Variants in LIN52 observed in about 807,000 individuals in gnomAD.
LIN52 encodes protein lin-52 homolog.
In LIN52, 4 loss-of-function variants were observed where a neutral mutation model predicts 18.5. The ratio of observed to expected loss-of-function variants is 0.22; its 90% CI spans 0.11 to 0.49. The LOEUF is 0.49. Ranked by LOEUF, LIN52 falls within the 20% of genes least tolerant of loss-of-function variation. LIN52 has a pLI of 0.97. For missense variants in LIN52, 102 were observed against 139.5 expected (o/e 0.73, Z 1.35); for synonymous variants, 34 against 45.5 (o/e 0.75, Z 1.02).
At chr14:74,173,081 G>A (rs1252869142) in intron 5 of LIN52, among the ~76,000 whole-genome samples, 2 of 152,014 alleles carry the variant, frequency 1.3e-5, no homozygotes, top group East Asian at 3.8e-4. Context: ...AATGCTTTTT[G>A]TATAAAAAGC....
chr14:74,114,950 GAA>G (rs1407882229), intron 5 of LIN52, among the ~76,000 whole-genome samples: 1 of 152,156 alleles, frequency 6.6e-6, no homozygotes, highest in Non-Finnish European at 1.5e-5. Context: ...CCCTACCTAT[GAA>G]CTTTTCCTGA....
intron 5 of LIN52, among the ~76,000 whole-genome samples, chr14:74,152,253 C>T (rs2061179565): frequency 7.0e-6 from 1 of 141,996 alleles, no homozygotes; most frequent in African/African-American, 2.7e-5. Context: ...ACAGAGCAAA[C>T]CTCCATCTCA....
intron 5 of LIN52, among the ~76,000 whole-genome samples, chr14:74,149,111 A>G (rs10137679): frequency 0.81 from 124,015 of 152,168 alleles, 50,753 homozygotes; most frequent in Admixed American, 0.83. Flanking sequence ...GGCACAACTC[A>G]TTATTGAAGC....
intron 5 of LIN52, among the ~76,000 whole-genome samples, chr14:74,178,474 T>G (rs2061302835): frequency 6.6e-6 from 1 of 151,288 alleles, no homozygotes; most frequent in African/African-American, 2.4e-5. Context: ...TTTTTTTTTT[T>G]TGCGACAGAT....
chr14:74,152,171 G>A (rs572791998), intron 5 of LIN52, among the ~76,000 whole-genome samples: 3 of 151,420 alleles, frequency 2.0e-5, no homozygotes, highest in East Asian at 1.9e-4. Context: ...GCTGAGGCAC[G>A]AGAACCACTT....
At chr14:74,131,132 C>T (rs375557774) in intron 5 of LIN52, among the ~76,000 whole-genome samples, 4 of 151,890 alleles carry the variant, frequency 2.6e-5, no homozygotes, top group African/African-American at 9.7e-5. Context: ...TGTCTATTTG[C>T]CTTCTAGGCT....
At chr14:74,185,201 GA>G (rs1414454703) in intron 5 of LIN52, among the ~76,000 whole-genome samples, 2 of 150,644 alleles carry the variant, frequency 1.3e-5, no homozygotes, top group Admixed American at 1.3e-4. Context: ...TGGTTTTAGT[GA>G]AAAGACAAAA....
intron 5 of LIN52, among the ~76,000 whole-genome samples, chr14:74,182,033 C>T (rs1217136033): frequency 6.6e-6 from 1 of 152,160 alleles, no homozygotes; most frequent in Non-Finnish European, 1.5e-5. Flanking sequence ...TTTTTTGAGA[C>T]AAGGTCTCAC....
At chr14:74,122,884 C>CAAACAA (rs74777859) in intron 5 of LIN52, among the ~76,000 whole-genome samples, 2 of 147,070 alleles carry the variant, frequency 1.4e-5, no homozygotes, top group Non-Finnish European at 3.1e-5. Context: ...ACAAAACAAA[C>CAAACAA]AAACAAAAAC....
chr14:74,130,291 T>TG (rs1168823322), intron 5 of LIN52, among the ~76,000 whole-genome samples: 6 of 138,168 alleles, frequency 4.3e-5, no homozygotes, highest in South Asian at 2.3e-4. Context: ...TTTTTTTTTT[T>TG]TTTTTGAGAC....
intron 5 of LIN52, among the ~76,000 whole-genome samples, chr14:74,130,366 C>T (rs2061058496): frequency 7.0e-6 from 1 of 141,926 alleles, no homozygotes; most frequent in African/African-American, 2.7e-5. Context: ...CAACTTCTGC[C>T]TCCTGGGTTC....
chr14:74,096,531 C>T (rs972975727), intron 3 of LIN52, among the ~76,000 whole-genome samples: 1 of 151,576 alleles, frequency 6.6e-6, no homozygotes, highest in African/African-American at 2.4e-5. Context: ...AAAATACCTA[C>T]TTTATAGAGT....
intron 5 of LIN52, among the ~76,000 whole-genome samples, chr14:74,110,307 T>C (rs2060918775): frequency 6.6e-6 from 1 of 152,138 alleles, no homozygotes; most frequent in Non-Finnish European, 1.5e-5. Context: ...GGATGATTGC[T>C]TGAAGCCAAG....
chr14:74,107,858 G>T (rs10135300), intron 5 of LIN52, among the ~76,000 whole-genome samples: 34,086 of 151,486 alleles, frequency 0.23, 4,150 homozygotes, highest in South Asian at 0.46. Context: ...TCTTTTTTTT[G>T]GGTAACAGCT....
At chr14:74,129,333 T>G (rs1000104554) in intron 5 of LIN52, among the ~76,000 whole-genome samples, 9 of 152,168 alleles carry the variant, frequency 5.9e-5, no homozygotes, top group African/African-American at 2.2e-4. Flanking sequence ...AAGTAAGGTT[T>G]CTGAGAGGGC....
intron 5 of LIN52, among the ~76,000 whole-genome samples, chr14:74,188,963 G>C (rs753333650): frequency 6.6e-6 from 1 of 152,166 alleles, no homozygotes; most frequent in African/African-American, 2.4e-5. Flanking sequence ...GACGTTAGCT[G>C]TTGCCAGCTG....
At chr14:74,196,395 C>T (rs1340888146) in intron 5 of LIN52, among the ~76,000 whole-genome samples, 1 of 152,174 alleles carries the variant, frequency 6.6e-6, no homozygotes, top group Non-Finnish European at 1.5e-5. Flanking sequence ...GGTCAGCAGG[C>T]AGAAATCATT....
intron 1 of LIN52, among the ~76,000 whole-genome samples, chr14:74,087,775 G>A (rs1309096545): frequency 2.0e-5 from 3 of 152,130 alleles, no homozygotes; most frequent in Non-Finnish European, 2.9e-5. Context: ...CTTTGAAAAG[G>A]AGAAAACTGA....
chr14:74,116,138 AC>A (rs1234847685), intron 5 of LIN52, among the ~76,000 whole-genome samples: 1 of 152,058 alleles, frequency 6.6e-6, no homozygotes, highest in Non-Finnish European at 1.5e-5. Context: ...CCCTGTCTCT[AC>A]TAAAAATACA....
Sources: allele counts gnomAD v4.1 joint callset (sites outside exome capture counted in the v4.1 genomes callset), GRCh38; gene constraint gnomAD v4.1.1; transcripts MANE v1.5; gene names NCBI Gene and HGNC (gene_info 2026-07-23, HGNC 2026-07-21).